The following CPNE8 variants were observed in gnomAD, a reference collection of about 807,000 sequenced individuals.
CPNE8 encodes copine 8, also known as copine-8.
Under a neutral mutation model 81.5 loss-of-function variants are expected in CPNE8, and 45 were observed. That is an observed-to-expected ratio of 0.55 (90% CI 0.44 to 0.71). The LOEUF is 0.71. CPNE8 is among the 30% of genes least tolerant of loss of function. The pLI, the probability that CPNE8 is intolerant of heterozygous loss-of-function variation, is 0.00. For missense variants in CPNE8, 594 were observed against 672.1 expected, an observed-to-expected ratio of 0.88 and a Z score of 1.28; for synonymous variants, 252 against 226.3, an observed-to-expected ratio of 1.11 and a Z score of -1.02.
chr12:38,723,552 T>A (rs1429038202), intron 13 of CPNE8, among the ~76,000 whole-genome samples: 1 of 152,228 alleles, frequency 6.6e-6, no homozygotes, highest in East Asian at 1.9e-4. Flanking sequence ...CAACTATTAA[T>A]CATACAATAT....
intron 6 of CPNE8, among the ~76,000 whole-genome samples, chr12:38,795,867 GGATAGATA>G (rs11377515): frequency 3.4e-5 from 5 of 148,256 alleles, no homozygotes; most frequent in East Asian, 2.0e-4. Flanking sequence ...ATGGATGGAT[GGATAGATA>G]GATAGATAGA....
chr12:38,746,297 C>T (rs1273919613), intron 10 of CPNE8, among the ~76,000 whole-genome samples: 1 of 149,618 alleles, frequency 6.7e-6, no homozygotes, highest in Non-Finnish European at 1.5e-5. Context: ...TATGTGGTAA[C>T]TTGGTGGTCA....
intron 3 of CPNE8, among the ~76,000 whole-genome samples, chr12:38,864,628 C>G (rs138391931): frequency 1.6e-3 from 251 of 152,244 alleles, no homozygotes; most frequent in Non-Finnish European, 2.8e-3. Flanking sequence ...ACAAATGTTC[C>G]TGAGTCAATT....
chr12:38,809,209 G>T (rs1300080939), intron 6 of CPNE8, among the ~76,000 whole-genome samples: 1 of 152,178 alleles, frequency 6.6e-6, no homozygotes, highest in African/African-American at 2.4e-5. Context: ...ATTCTGCTTA[G>T]GATCTCACAA....
At chr12:38,655,038 G>A (rs1938787110) in intron 19 of CPNE8, among the ~76,000 whole-genome samples, 1 of 151,920 alleles carries the variant, frequency 6.6e-6, no homozygotes, top group African/African-American at 2.4e-5. Flanking sequence ...TGGGAAGACA[G>A]GAAAAAAGAT....
chr12:38,826,390 A>G (rs1326575476), intron 6 of CPNE8, among the ~76,000 whole-genome samples: 1 of 152,234 alleles, frequency 6.6e-6, no homozygotes, highest in Non-Finnish European at 1.5e-5. Context: ...GTTACTGTAG[A>G]TCCATGTTGG....
In CPNE8 at chr12:38,771,220, A is replaced by G. The variant is rs1462027530; in HGVS notation, c.472-3482T>C. Among the ~76,000 whole-genome samples the G allele has an allele frequency of 2.0e-5, 3 of 151,684 alleles. No homozygotes were observed. In the East Asian group the frequency reaches 5.8e-4, roughly 29 times the overall value. On this transcript the variant is annotated intron_variant, in intron 7 of 19. Coordinates refer to ENST00000331366, the MANE Select transcript of CPNE8 (RefSeq NM_153634.3). ...ATGACTGTAACCCCAGCGCTTTGGG[A>G]GGGCAAGGGGGGCTTGGATCACTTG... is the stretch of plus-strand genomic sequence containing the variant.
chr12:38,874,512 C>T lies in CPNE8; in HGVS notation c.99-1G>A. 6.2e-7 allele frequency: 1 copy of T among 1,602,596 alleles called. No homozygotes were observed. Among genetic ancestry groups the T allele is most frequent in the Non-Finnish European group, 8.5e-7 (1 of 1,172,084 alleles). On this transcript the variant is annotated splice_acceptor_variant, in intron 1 of 19. Transcript: ENST00000331366. LOFTEE classifies it high-confidence loss of function. ...AAATGTGTCTCTGTCAAGAAGATTT[C>T]TGTTGAATAAAACAGAAAATGTTAG...
intron 8 of CPNE8, among the ~76,000 whole-genome samples, chr12:38,764,192 A>G (rs1415508407): frequency 6.6e-6 from 1 of 152,236 alleles, no homozygotes; most frequent in Non-Finnish European, 1.5e-5. Context: ...AGGGGCAGAC[A>G]GAGAAGACTC....
intron 8 of CPNE8, among the ~76,000 whole-genome samples, chr12:38,764,534 G>A (rs1592069427): frequency 6.9e-6 from 1 of 145,188 alleles, no homozygotes; most frequent in Admixed American, 6.9e-5. Context: ...GGAGAATGGC[G>A]TGAACCCGGG....
At chr12:38,671,228 A>G (rs908140133) in intron 18 of CPNE8, among the ~76,000 whole-genome samples, 4 of 152,098 alleles carry the variant, frequency 2.6e-5, no homozygotes, top group African/African-American at 9.7e-5. Flanking sequence ...AGAATTTTCA[A>G]TTACAAGTTG....
chr12:38,763,909 G>A (rs1941622466), intron 8 of CPNE8, among the ~76,000 whole-genome samples: 1 of 151,352 alleles, frequency 6.6e-6, no homozygotes, highest in Non-Finnish European at 1.5e-5. Flanking sequence ...AAGTCCTCAA[G>A]TTCATTTTCC....
chr12:38,886,155 C>A (rs1944234516), intron 1 of CPNE8, among the ~76,000 whole-genome samples: 2 of 152,190 alleles, frequency 1.3e-5, no homozygotes. Context: ...CACTTCAGTA[C>A]AATCACCAGA....
At chr12:38,721,595 C>A (rs907102433) in intron 13 of CPNE8, among the ~76,000 whole-genome samples, 1 of 152,210 alleles carries the variant, frequency 6.6e-6, no homozygotes, top group Non-Finnish European at 1.5e-5. Flanking sequence ...GAACTTGGGA[C>A]CTGCCAACTG....
At chr12:38,746,243 T>C (rs1007852733) in intron 10 of CPNE8, among the ~76,000 whole-genome samples, 6 of 152,170 alleles carry the variant, frequency 3.9e-5, no homozygotes, top group African/African-American at 1.4e-4. Context: ...AGGTAGGTGA[T>C]AAGATTACCT....
chr12:38,736,180 A>G (rs1050900602), intron 10 of CPNE8, among the ~76,000 whole-genome samples: 2 of 150,854 alleles, frequency 1.3e-5, no homozygotes. Context: ...CTTTTTATAC[A>G]TATATATAAT....
At chr12:38,668,683 A>G (rs1027835254) in intron 19 of CPNE8, among the ~76,000 whole-genome samples, 2 of 152,198 alleles carry the variant, frequency 1.3e-5, no homozygotes, top group African/African-American at 4.8e-5. Context: ...GCTTTTAAAT[A>G]AAGTGTAATT....
chr12:38,791,113 A>G (rs1942312559), intron 6 of CPNE8, among the ~76,000 whole-genome samples: 1 of 151,662 alleles, frequency 6.6e-6, no homozygotes, highest in Non-Finnish European at 1.5e-5. Flanking sequence ...TAGATCGTAC[A>G]ATAATTTTAA....
At chr12:38,658,106 T>TA (rs1938864565) in intron 19 of CPNE8, among the ~76,000 whole-genome samples, 1 of 152,040 alleles carries the variant, frequency 6.6e-6, no homozygotes, top group Non-Finnish European at 1.5e-5. Flanking sequence ...TTCTCCGAGT[T>TA]AAAAAAGCAT....
Sources: gnomAD v4.1 joint callset for allele counts (sites outside exome capture counted in the v4.1 genomes callset) on GRCh38, gnomAD v4.1.1 for gene constraint, MANE v1.5 for transcripts, NCBI Gene and HGNC (gene_info 2026-07-23, HGNC 2026-07-21) for gene names.